XKR6: variants seen among roughly 807,000 people sequenced by gnomAD.
XKR6 encodes XK-related protein 6.
A neutral mutation model predicts 56.7 loss-of-function variants in XKR6; 22 were observed. The ratio of observed to expected loss-of-function variants is 0.39; its 90% CI spans 0.28 to 0.55. The LOEUF (loss-of-function observed/expected upper bound fraction) is 0.55, where lower values mean the gene tolerates loss of function less well. Among genes scored for constraint, XKR6 ranks in the 20% least tolerant of loss-of-function variants. The pLI, the probability that XKR6 is intolerant of heterozygous loss-of-function variation, is 0.66. For missense variants in XKR6, 852 were observed against 889.0 expected (o/e 0.96, Z 0.53); for synonymous variants, 524 against 387.8 (o/e 1.35, Z -4.13).
chr8:11,076,230 G>T (rs1458531310), intron 1 of XKR6, among the ~76,000 whole-genome samples: 1 of 152,174 alleles, frequency 6.6e-6, no homozygotes, highest in Admixed American at 6.5e-5. Flanking sequence ...AAGGGGAATG[G>T]GGAGGTGCTG....
intron 2 of XKR6, among the ~76,000 whole-genome samples, chr8:10,918,514 T>C (rs1800625123): frequency 6.6e-6 from 1 of 152,224 alleles, no homozygotes; most frequent in South Asian, 2.1e-4. Context: ...CCGTCAGCAG[T>C]GGCTGGTTTC....
chr8:11,078,949 C>G (rs1409252974), intron 1 of XKR6, among the ~76,000 whole-genome samples: 1 of 152,314 alleles, frequency 6.6e-6, no homozygotes, highest in African/African-American at 2.4e-5. Flanking sequence ...TTCCAATGGC[C>G]AAGGCAAAGG....
chr8:10,963,524 C>T (rs1295174142), intron 1 of XKR6, among the ~76,000 whole-genome samples: 1 of 148,450 alleles, frequency 6.7e-6, no homozygotes, highest in African/African-American at 2.6e-5. Context: ...TCGAACAGGG[C>T]CTGACACAAA....
At chr8:10,996,604 C>T (rs901901888) in intron 1 of XKR6, among the ~76,000 whole-genome samples, 6 of 152,102 alleles carry the variant, frequency 3.9e-5, no homozygotes, top group Non-Finnish European at 8.8e-5. Context: ...GCTGTATCTA[C>T]AAGTGGCGTA....
chr8:10,966,448 C>T (rs1400281537), intron 1 of XKR6, among the ~76,000 whole-genome samples: 2 of 151,936 alleles, frequency 1.3e-5, no homozygotes, highest in South Asian at 2.1e-4. Flanking sequence ...GGCAGGCGGG[C>T]GGATCACGAG....
intron 1 of XKR6, among the ~76,000 whole-genome samples, chr8:11,177,698 G>A (rs1463809860): frequency 6.6e-6 from 1 of 152,232 alleles, no homozygotes; most frequent in Admixed American, 6.5e-5. Flanking sequence ...ACGGCTGCAA[G>A]CCAGGAACCC....
intron 1 of XKR6, among the ~76,000 whole-genome samples, chr8:11,197,917 A>G (rs1233418911): frequency 1.3e-5 from 2 of 152,256 alleles, no homozygotes; most frequent in African/African-American, 4.8e-5. Flanking sequence ...TAAAAAATGT[A>G]AAGAGACAAG....
At chr8:11,102,187 G>A (rs1381509778) in intron 1 of XKR6, among the ~76,000 whole-genome samples, 1 of 152,256 alleles carries the variant, frequency 6.6e-6, no homozygotes, top group East Asian at 1.9e-4. Context: ...TCCCCTGCAA[G>A]TTCGTCTTGG....
At chr8:11,098,021 G>T (rs1220242748) in intron 1 of XKR6, among the ~76,000 whole-genome samples, 1 of 152,168 alleles carries the variant, frequency 6.6e-6, no homozygotes, top group Admixed American at 6.5e-5. Context: ...GTGCAATTTT[G>T]CAGGGGGGCT....
intron 1 of XKR6, among the ~76,000 whole-genome samples, chr8:10,970,940 C>T (rs1296756514): frequency 6.6e-6 from 1 of 151,852 alleles, no homozygotes; most frequent in Non-Finnish European, 1.5e-5. Flanking sequence ...TCTGAAGCAC[C>T]CTTTTATCAG....
At chr8:11,195,898 A>G (rs1364229084) in intron 1 of XKR6, among the ~76,000 whole-genome samples, 2 of 149,210 alleles carry the variant, frequency 1.3e-5, no homozygotes, top group Non-Finnish European at 3.0e-5. Context: ...ATGATCCGCC[A>G]CCTCGGCCTC....
chr8:11,118,119 C>A (rs17780806), intron 1 of XKR6, among the ~76,000 whole-genome samples: 62,942 of 151,998 alleles, frequency 0.41, 13,800 homozygotes, highest in African/African-American at 0.47. Flanking sequence ...TTTCTTCTCA[C>A]ACGTAAGCAA....
At chr8:11,050,217 T>C (rs770257725) in intron 1 of XKR6, among the ~76,000 whole-genome samples, 3 of 152,102 alleles carry the variant, frequency 2.0e-5, no homozygotes, top group Non-Finnish European at 4.4e-5. Context: ...GCGTGCCAGA[T>C]ACAGGGAGGG....
At chr8:11,088,086 A>G (rs1284172339) in intron 1 of XKR6, among the ~76,000 whole-genome samples, 1 of 152,250 alleles carries the variant, frequency 6.6e-6, no homozygotes, top group African/African-American at 2.4e-5. Context: ...TCAAGAATTC[A>G]GATGGCTGTT....
At chr8:11,047,747 T>C (rs898672903) in intron 1 of XKR6, among the ~76,000 whole-genome samples, 1 of 152,222 alleles carries the variant, frequency 6.6e-6, no homozygotes, top group African/African-American at 2.4e-5. Flanking sequence ...CACCAAACGA[T>C]ACGTTTACAG....
intron 1 of XKR6, among the ~76,000 whole-genome samples, chr8:11,096,710 G>C (rs1261326754): frequency 1.3e-5 from 2 of 152,252 alleles, no homozygotes; most frequent in Non-Finnish European, 2.9e-5. Flanking sequence ...ACCCAGGACA[G>C]GCAGGCCTCC....
At chr8:10,961,529 A>G (rs1405897397) in intron 1 of XKR6, among the ~76,000 whole-genome samples, 1 of 152,208 alleles carries the variant, frequency 6.6e-6, no homozygotes, top group Non-Finnish European at 1.5e-5. Flanking sequence ...CACACAGTCC[A>G]CACTTGATGA....
intron 1 of XKR6, among the ~76,000 whole-genome samples, chr8:11,140,239 T>G (rs1241766339): frequency 6.6e-6 from 1 of 151,140 alleles, no homozygotes; most frequent in South Asian, 2.1e-4. Context: ...AAAGCAACAA[T>G]GAAGCAATGG....
chr8:11,001,325 G>C (rs2129143062), intron 1 of XKR6, among the ~76,000 whole-genome samples: 1 of 151,888 alleles, frequency 6.6e-6, no homozygotes, highest in South Asian at 2.1e-4. Context: ...GTGAATAAAT[G>C]GCCTCTTCAT....
Sources: allele counts gnomAD v4.1 joint callset (sites outside exome capture counted in the v4.1 genomes callset), GRCh38; gene constraint gnomAD v4.1.1; transcripts MANE v1.5; gene names NCBI Gene and HGNC (gene_info 2026-07-23, HGNC 2026-07-21).